CSMD1: variants seen among roughly 807,000 people sequenced by gnomAD.
CSMD1 encodes CUB and Sushi multiple domains 1.
In CSMD1, 213 loss-of-function variants were observed where a neutral mutation model predicts 417.5. The ratio of observed to expected loss-of-function variants is 0.51; its 90% CI spans 0.46 to 0.57. The LOEUF is 0.57. CSMD1 is among the 20% of genes least tolerant of loss of function. CSMD1 has a pLI of 0.00. For missense variants in CSMD1, 6,923 were observed against 4,529.7 expected (o/e 1.53, Z -15.17); for synonymous variants, 2,862 against 1,736.8 (o/e 1.65, Z -16.11).
At chr8:3,700,603 G>C (rs530361595) in intron 7 of CSMD1, 1 of 152,272 alleles carries the variant, frequency 6.6e-6, no homozygotes, top group African/African-American at 2.4e-5. Context: ...ATGATATTTA[G>C]TTAGGGTGAT....
chr8:3,534,993 G>C (rs1030914147), intron 10 of CSMD1, among the ~76,000 whole-genome samples: 18 of 152,154 alleles, frequency 1.2e-4, no homozygotes, highest in African/African-American at 3.1e-4. Context: ...TGTCGCCCAG[G>C]CTGGAGTGCA....
At chr8:3,620,222 A>G (rs1194509298) in intron 7 of CSMD1, among the ~76,000 whole-genome samples, 1 of 152,198 alleles carries the variant, frequency 6.6e-6, no homozygotes, top group East Asian at 1.9e-4. Flanking sequence ...AGGGAAATTA[A>G]GACACTCCCA....
At position 4,139,345 on chromosome 8, in the gene CSMD1, T is replaced by C. The variant is rs1204507345; in HGVS notation, c.416-107246A>G. ...AAATTTATTACAAACGTAATGAAAA[T>C]TTTTTGACCAGGTAGAGGGTATCAC... On this transcript the variant is annotated intron_variant, in intron 3 of 69. Transcript: ENST00000635120. 5.3e-5 allele frequency among the ~76,000 whole-genome samples: 8 copies of C among 152,146 alleles called. No homozygotes were observed. In the East Asian group the frequency reaches 1.2e-3, roughly 22 times the overall value.
intron 5 of CSMD1, among the ~76,000 whole-genome samples, chr8:3,816,247 C>A (rs17744835): frequency 6.0e-4 from 91 of 152,224 alleles, no homozygotes; most frequent in African/African-American, 1.7e-3. Context: ...ATCCTGGTTA[C>A]GGTGCATTCA....
intron 68 of CSMD1, among the ~76,000 whole-genome samples, chr8:2,946,644 A>T (rs959480993): frequency 1.3e-5 from 2 of 152,152 alleles, no homozygotes; most frequent in Non-Finnish European, 2.9e-5. Context: ...TCATCCATTG[A>T]TAGACATTTT....
intron 2 of CSMD1, among the ~76,000 whole-genome samples, chr8:4,485,119 C>A (rs1196978809): frequency 6.7e-6 from 1 of 149,898 alleles, no homozygotes; most frequent in Non-Finnish European, 1.5e-5. Flanking sequence ...TCAGGTTTTT[C>A]CAAATAAGGT....
chr8:4,132,150 C>T (rs1803146473), intron 3 of CSMD1, among the ~76,000 whole-genome samples: 2 of 149,868 alleles, frequency 1.3e-5, no homozygotes, highest in African/African-American at 4.9e-5. Context: ...TTCTACAGAT[C>T]AGCTGTTGCC....
chr8:4,024,110 T>G, intron 4 of CSMD1, among the ~76,000 whole-genome samples: 1 of 152,074 alleles, frequency 6.6e-6, no homozygotes, highest in East Asian at 1.9e-4. Context: ...TCTTACTAAA[T>G]GGAAAGACAA....
At chr8:3,453,673 G>C (rs192730258) in intron 12 of CSMD1, among the ~76,000 whole-genome samples, 2 of 152,198 alleles carry the variant, frequency 1.3e-5, no homozygotes, top group Non-Finnish European at 2.9e-5. Flanking sequence ...TGTGGTCTGA[G>C]AGACAGTTTG....
chr8:4,914,898 C>G (rs1805947584), intron 1 of CSMD1, among the ~76,000 whole-genome samples: 1 of 152,052 alleles, frequency 6.6e-6, no homozygotes. Context: ...ATGGGGTATT[C>G]CCAAGTCACA....
intron 32 of CSMD1, 115 bp from the exon 33 acceptor site, chr8:3,199,924 A>C (rs1033633365): frequency 4.4e-5 from 27 of 615,512 alleles, no homozygotes; most frequent in Middle Eastern, 5.2e-4. Flanking sequence ...AACTTTTAAA[A>C]CATTTTCACT....
intron 1 of CSMD1, among the ~76,000 whole-genome samples, chr8:4,979,638 G>C (rs1055440777): frequency 6.6e-6 from 1 of 152,192 alleles, no homozygotes; most frequent in African/African-American, 2.4e-5. Context: ...TCTAATTGGA[G>C]CAGTCCTCAC....
intron 2 of CSMD1, among the ~76,000 whole-genome samples, chr8:4,446,422 C>T (rs1798792264): frequency 6.6e-6 from 1 of 152,124 alleles, no homozygotes; most frequent in Admixed American, 6.5e-5. Flanking sequence ...GTGGTGCACA[C>T]CTGTAGTCCC....
chr8:3,959,058 G>A (rs1812153017), intron 5 of CSMD1, among the ~76,000 whole-genome samples: 1 of 152,122 alleles, frequency 6.6e-6, no homozygotes, highest in Non-Finnish European at 1.5e-5. Flanking sequence ...CTACTCCCCA[G>A]CACCATGTTT....
At chr8:3,316,002 A>G (rs573066189) in intron 23 of CSMD1, among the ~76,000 whole-genome samples, 1 of 152,288 alleles carries the variant, frequency 6.6e-6, no homozygotes, top group Non-Finnish European at 1.5e-5. Context: ...AAATAATTCA[A>G]ATTATTCACT....
chr8:3,714,815 T>C (rs778467363), intron 6 of CSMD1, among the ~76,000 whole-genome samples: 2 of 152,104 alleles, frequency 1.3e-5, no homozygotes, highest in Non-Finnish European at 2.9e-5. Flanking sequence ...AGTTTATGAT[T>C]GCAAGATAAA....
At chr8:4,151,848 T>C (rs1796587360) in intron 3 of CSMD1, among the ~76,000 whole-genome samples, 1 of 152,200 alleles carries the variant, frequency 6.6e-6, no homozygotes. Context: ...ATCAATTATA[T>C]TTCCATGTAC....
chr8:4,068,665 G>A (rs999284748), intron 3 of CSMD1, among the ~76,000 whole-genome samples: 10 of 151,998 alleles, frequency 6.6e-5, no homozygotes, highest in African/African-American at 2.4e-4. Context: ...TAAAAAAAAT[G>A]GAAAAGATAA....
chr8:3,190,156 C>T, intron 33 of CSMD1, 41 bp from the exon 34 acceptor site: 1 of 1,510,882 alleles, frequency 6.6e-7, no homozygotes, highest in Non-Finnish European at 9.0e-7. Context: ...GTATCTCCAT[C>T]AGCAAGCCAG....
Sources: gnomAD v4.1 joint callset for allele counts (sites outside exome capture counted in the v4.1 genomes callset) on GRCh38, gnomAD v4.1.1 for gene constraint, MANE v1.5 for transcripts, NCBI Gene and HGNC (gene_info 2026-07-23, HGNC 2026-07-21) for gene names.